Variants in NHS observed in about 807,000 individuals in gnomAD.
NHS encodes actin remodeling regulator NHS.
In NHS, 5 loss-of-function variants were observed where a neutral mutation model predicts 72.5. The observed-to-expected ratio is 0.07, with a 90% CI of 0.04 to 0.14. The LOEUF is 0.14. Among genes scored for constraint, NHS ranks in the 10% least tolerant of loss-of-function variants. The pLI, the probability that NHS is intolerant of heterozygous loss-of-function variation, is 1.00. For missense variants in NHS, 1,072 were observed against 1,355.7 expected (o/e 0.79, Z 3.29); for synonymous variants, 464 against 547.7 (o/e 0.85, Z 2.13).
At chrX:17,405,984 G>A (rs1438170740) in intron 1 of NHS, among the ~76,000 whole-genome samples, 4 of 112,422 alleles carry the variant, frequency 3.6e-5, no homozygotes, top group East Asian at 2.8e-4. Flanking sequence ...GTAGGCAGAA[G>A]CAAGAGAACC....
chrX:17,653,511 A>T (rs1376526311), intron 1 of NHS, among the ~76,000 whole-genome samples: 1 of 108,862 alleles, frequency 9.2e-6, no homozygotes. Flanking sequence ...TATTTTTGCC[A>T]TCACTGTTAA....
At chrX:17,637,839 A>G (rs1176071352) in intron 1 of NHS, among the ~76,000 whole-genome samples, 1 of 111,917 alleles carries the variant, frequency 8.9e-6, no homozygotes, top group African/African-American at 3.2e-5. Context: ...AAATGCAGGG[A>G]AAAACAAACT....
At position 17,376,050 on chromosome X, in the gene NHS, G is replaced by A; in HGVS notation, c.293G>A (p.Gly98Glu). The change falls in exon 1 of 9, where the codon GGG becomes GAG. Residue 98 changes from glycine to glutamate, a missense_variant. Gly to Glu is a moderately conservative substitution (Grantham distance 98). Coordinates refer to ENST00000676302, the MANE Select transcript of NHS (RefSeq NM_001291867.2). ...GTGGCTGGCGAGGAGAGCACGGCGG[G>A]GATCCCGGAGGCGGCGCCCGCAGCC... ...ASVAGEESTAGIPEAAPAAGE... is the reference protein window; with the variant it reads ...ASVAGEESTAEIPEAAPAAGE... 9.5e-7 allele frequency: 1 copy of A among 1,057,958 alleles called. No homozygotes were observed. Among genetic ancestry groups the A allele is most frequent in the Non-Finnish European group, 1.2e-6 (1 of 828,460 alleles). 87.2% of individuals were successfully genotyped at this position (1,057,958 alleles called of 1,213,427 possible).
intron 1 of NHS, among the ~76,000 whole-genome samples, chrX:17,504,304 T>C (rs2065047350): frequency 8.9e-6 from 1 of 112,134 alleles, no homozygotes; most frequent in South Asian, 3.7e-4. Flanking sequence ...GCTGTATAAA[T>C]ATTAGGAACA....
At chrX:17,436,621 A>C (rs1163906969) in intron 1 of NHS, among the ~76,000 whole-genome samples, 1 of 109,766 alleles carries the variant, frequency 9.1e-6, no homozygotes, top group African/African-American at 3.3e-5. Context: ...CTAAAAAAAA[A>C]AAAAAAAGAA....
chrX:17,581,441 G>T (rs1024404080), intron 1 of NHS, among the ~76,000 whole-genome samples: 1 of 111,341 alleles, frequency 9.0e-6, no homozygotes, highest in Non-Finnish European at 1.9e-5. Context: ...GAAGACACAG[G>T]GGCCACTGCA....
intron 1 of NHS, among the ~76,000 whole-genome samples, chrX:17,440,404 G>A (rs370685671): frequency 9.0e-6 from 1 of 111,228 alleles, no homozygotes; most frequent in African/African-American, 3.3e-5. Flanking sequence ...TGGGTTGAAG[G>A]CCATGTATGT....
At chrX:17,610,014 C>T (rs1177316108) in intron 1 of NHS, among the ~76,000 whole-genome samples, 1 of 112,097 alleles carries the variant, frequency 8.9e-6, no homozygotes, top group African/African-American at 3.2e-5. Flanking sequence ...GGAAGTCCAT[C>T]AGCATGTTAT....
chrX:17,489,437 A>G (rs2064980768), intron 1 of NHS, among the ~76,000 whole-genome samples: 1 of 111,870 alleles, frequency 8.9e-6, no homozygotes. Flanking sequence ...ATTTCTCCAC[A>G]TCGTCTCCAG....
intron 1 of NHS, among the ~76,000 whole-genome samples, chrX:17,521,005 G>A (rs984337328): frequency 1.8e-5 from 2 of 111,444 alleles, no homozygotes; most frequent in African/African-American, 3.3e-5. Flanking sequence ...TGGCTCGCAC[G>A]CACAGTACAG....
At chrX:17,421,247 G>A (rs1002860321) in intron 1 of NHS, among the ~76,000 whole-genome samples, 41 of 101,379 alleles carry the variant, frequency 4.0e-4, no homozygotes, top group Non-Finnish European at 6.2e-4. Flanking sequence ...GTGTGTGTGC[G>A]CGCACACACA....
At chrX:17,429,766 G>A (rs752291116) in intron 1 of NHS, among the ~76,000 whole-genome samples, 39 of 111,274 alleles carry the variant, frequency 3.5e-4, no homozygotes, top group African/African-American at 1.1e-3. Context: ...TTGCTGAGTT[G>A]CTGTTAGCAT....
intron 1 of NHS, among the ~76,000 whole-genome samples, chrX:17,590,911 C>T (rs2065600190): frequency 8.9e-6 from 1 of 111,941 alleles, no homozygotes; most frequent in East Asian, 2.8e-4. Context: ...GATGGATTAT[C>T]ATCATTTTCT....
intron 3 of NHS, among the ~76,000 whole-genome samples, chrX:17,718,896 AAAG>A (rs1370512203): frequency 1.0e-5 from 1 of 95,353 alleles, no homozygotes; most frequent in Non-Finnish European, 2.1e-5. Context: ...GTAAGGAAGG[AAAG>A]AAGGAAGAGG....
chrX:17,482,703 G>A (rs2064951102), intron 1 of NHS, among the ~76,000 whole-genome samples: 1 of 112,150 alleles, frequency 8.9e-6, no homozygotes, highest in Non-Finnish European at 1.9e-5. Flanking sequence ...GTCATGGATT[G>A]GAGAGCCTTG....
intron 1 of NHS, among the ~76,000 whole-genome samples, chrX:17,495,016 A>T (rs1007112971): frequency 1.8e-5 from 2 of 112,043 alleles, no homozygotes; most frequent in African/African-American, 6.5e-5. Context: ...TTCTAAACTC[A>T]CATTTGGCTG....
chrX:17,540,900 C>T (rs981447257), intron 1 of NHS, among the ~76,000 whole-genome samples: 6 of 110,752 alleles, frequency 5.4e-5, no homozygotes, highest in South Asian at 3.9e-4. Flanking sequence ...GGCAACATGG[C>T]GAGACTCCGT....
Position 17,578,675 on chromosome X carries a change from C to T in NHS, c.566-109067C>T, listed in dbSNP as rs146033320. On this transcript the variant is annotated intron_variant, in intron 1 of 8. Transcript: ENST00000676302. ...GGCTGGACTGTTTTCTCACATATGGCAGAAATTCAATTGGTGTTATAAAAT... is the reference window on the plus strand; with the variant it reads ...GGCTGGACTGTTTTCTCACATATGGTAGAAATTCAATTGGTGTTATAAAAT... 4.2e-3 allele frequency among the ~76,000 whole-genome samples: 475 copies of T among 112,109 alleles called. 1 individual carries two copies. Among genetic ancestry groups the T allele is most frequent in the Non-Finnish European group, 7.5e-3 (397 of 53,230 alleles).
chrX:17,437,646 C>T (rs952292651), intron 1 of NHS, among the ~76,000 whole-genome samples: 8 of 111,648 alleles, frequency 7.2e-5, no homozygotes, highest in African/African-American at 2.0e-4. Context: ...AGTTGACATT[C>T]GGGTTTTCCT....
Sources: allele counts gnomAD v4.1 joint callset (sites outside exome capture counted in the v4.1 genomes callset), GRCh38; gene constraint gnomAD v4.1.1; transcripts MANE v1.5; gene names NCBI Gene and HGNC (gene_info 2026-07-23, HGNC 2026-07-21).